Variants in RBMS3 observed in about 807,000 individuals in gnomAD.
The protein encoded by RBMS3 is RNA binding motif single stranded interacting protein 3.
A neutral mutation model predicts 66.8 loss-of-function variants in RBMS3; 27 were observed. The observed-to-expected ratio is 0.40, with a 90% CI of 0.30 to 0.56. RBMS3 has a LOEUF of 0.56. Among genes scored for constraint, RBMS3 ranks in the 20% least tolerant of loss-of-function variants. The pLI, the probability that RBMS3 is intolerant of heterozygous loss-of-function variation, is 0.40. For synonymous variants in RBMS3, 188 were observed against 183.0 expected (o/e 1.03, Z -0.22); for missense variants, 513 against 549.5 (o/e 0.93, Z 0.66).
At chr3:29,685,807 T>G (rs35718383) in intron 4 of RBMS3, among the ~76,000 whole-genome samples, 23,009 of 152,186 alleles carry the variant, frequency 0.15, 2,235 homozygotes, top group Admixed American at 0.25. Context: ...GTACCTTGCC[T>G]GCCAGTCATT....
intron 5 of RBMS3, among the ~76,000 whole-genome samples, chr3:29,744,645 G>A (rs56223091): frequency 0.026 from 3,947 of 152,136 alleles, 169 homozygotes; most frequent in African/African-American, 0.089. Flanking sequence ...TTAGCCAGGC[G>A]TGGTGGCACG....
chr3:29,583,582 G>A (rs2047406009), intron 3 of RBMS3, among the ~76,000 whole-genome samples: 1 of 152,158 alleles, frequency 6.6e-6, no homozygotes. Context: ...TGGTAATGGA[G>A]AGTGCTCTTT....
chr3:29,498,239 C>T (rs963254774), intron 3 of RBMS3, among the ~76,000 whole-genome samples: 2 of 151,782 alleles, frequency 1.3e-5, no homozygotes, highest in Non-Finnish European at 2.9e-5. Flanking sequence ...AGGTGATCCA[C>T]CTGCCTCGGC....
At chr3:29,827,084 T>A (rs2058230314) in intron 6 of RBMS3, among the ~76,000 whole-genome samples, 1 of 152,098 alleles carries the variant, frequency 6.6e-6, no homozygotes, top group South Asian at 2.1e-4. Context: ...AGTTAACTAT[T>A]GTGTTTATTT....
intron 1 of RBMS3, among the ~76,000 whole-genome samples, chr3:29,283,692 A>G (rs1212561985): frequency 6.6e-6 from 1 of 152,184 alleles, no homozygotes; most frequent in Non-Finnish European, 1.5e-5. Flanking sequence ...CTATGTTGAT[A>G]TTTGGATAAT....
chr3:29,990,775 T>G (rs1698808599), intron 13 of RBMS3, among the ~76,000 whole-genome samples: 2 of 152,152 alleles, frequency 1.3e-5, no homozygotes, highest in South Asian at 4.1e-4. Context: ...TGAGGATAAA[T>G]TGGCATTTAT....
Position 29,723,586 on chromosome 3 carries a change from C to G in RBMS3, c.400-16134C>G, listed in dbSNP as rs866595155. Among the ~76,000 whole-genome samples the G allele has an allele frequency of 4.7e-4, 72 of 152,242 alleles. 1 individual carries two copies. The highest frequency in any genetic ancestry group is 3.4e-3 in the Middle Eastern group (1 of 294). The stretch of plus-strand genomic sequence containing the variant: ...ACTAGTTGCATTTTCCTCCTCTCCT[C>G]TCTTCTATAACATCTTAGCTAATAT... On this transcript the variant is annotated intron_variant, in intron 4 of 14. Coordinates refer to ENST00000383767, the MANE Select transcript of RBMS3 (RefSeq NM_001003793.3).
chr3:29,673,680 T>A (rs2051104394), intron 4 of RBMS3, among the ~76,000 whole-genome samples: 1 of 151,938 alleles, frequency 6.6e-6, no homozygotes, highest in Non-Finnish European at 1.5e-5. Context: ...CCTGGACAAA[T>A]ATACCCTCCC....
At chr3:29,447,107 T>G (rs1223562782) in intron 2 of RBMS3, among the ~76,000 whole-genome samples, 1 of 151,936 alleles carries the variant, frequency 6.6e-6, no homozygotes, top group Non-Finnish European at 1.5e-5. Flanking sequence ...AAGACGGGGT[T>G]TCACCATGTT....
At chr3:29,762,010 T>G (rs373386915) in intron 5 of RBMS3, among the ~76,000 whole-genome samples, 1 of 152,130 alleles carries the variant, frequency 6.6e-6, no homozygotes, top group Non-Finnish European at 1.5e-5. Context: ...AGGCCAGATA[T>G]TATCCATTAT....
At chr3:29,693,172 T>A (rs1337587467) in intron 4 of RBMS3, among the ~76,000 whole-genome samples, 1 of 152,134 alleles carries the variant, frequency 6.6e-6, no homozygotes, top group African/African-American at 2.4e-5. Context: ...TTCTTTACAT[T>A]TTTTCCCCAA....
intron 4 of RBMS3, chr3:29,641,215 A>G (rs2049695580): frequency 6.6e-6 from 1 of 152,028 alleles, no homozygotes; most frequent in African/African-American, 2.4e-5. Flanking sequence ...GTTGTGTATA[A>G]ACTAAATCAT....
intron 6 of RBMS3, among the ~76,000 whole-genome samples, chr3:29,853,265 T>C (rs1364915557): frequency 6.6e-6 from 1 of 152,022 alleles, no homozygotes; most frequent in African/African-American, 2.4e-5. Flanking sequence ...ATGACACAAG[T>C]TTACCTATGT....
At chr3:29,312,286 G>C (rs1166641634) in intron 1 of RBMS3, among the ~76,000 whole-genome samples, 2 of 92,440 alleles carry the variant, frequency 2.2e-5, no homozygotes, top group Non-Finnish European at 5.5e-5. Flanking sequence ...CTAGCATTCT[G>C]TTTCTTTTTT....
intron 4 of RBMS3, among the ~76,000 whole-genome samples, chr3:29,690,655 A>G (rs2051964222): frequency 6.6e-6 from 1 of 152,214 alleles, no homozygotes; most frequent in South Asian, 2.1e-4. Context: ...GTTGTTAGTT[A>G]GTATACTTAT....
chr3:29,971,876 T>C (rs930097443), intron 12 of RBMS3, among the ~76,000 whole-genome samples: 11 of 151,806 alleles, frequency 7.2e-5, no homozygotes, highest in African/African-American at 2.7e-4. Flanking sequence ...ATTTGTGTTG[T>C]AGGTGGATTA....
At chr3:29,759,979 A>G (rs575938661) in intron 5 of RBMS3, among the ~76,000 whole-genome samples, 2 of 152,240 alleles carry the variant, frequency 1.3e-5, no homozygotes, top group South Asian at 4.1e-4. Flanking sequence ...GGGAGTCTCT[A>G]AAGGCTCACA....
At chr3:29,655,139 A>T (rs2149219146) in intron 4 of RBMS3, among the ~76,000 whole-genome samples, 1 of 152,256 alleles carries the variant, frequency 6.6e-6, no homozygotes. Flanking sequence ...ACGACCAAGG[A>T]TTGTGGTGCA....
chr3:29,440,389 T>C (rs893291625), intron 2 of RBMS3, among the ~76,000 whole-genome samples: 14 of 152,172 alleles, frequency 9.2e-5, no homozygotes, highest in Non-Finnish European at 1.8e-4. Flanking sequence ...GTTTTTCTAT[T>C]ATAAAGTAAA....
Sources: gnomAD v4.1 joint callset for allele counts (sites outside exome capture counted in the v4.1 genomes callset) on GRCh38, gnomAD v4.1.1 for gene constraint, MANE v1.5 for transcripts, NCBI Gene and HGNC (gene_info 2026-07-23, HGNC 2026-07-21) for gene names.